Variants in MIB1 observed in about 807,000 individuals in gnomAD.
MIB1 encodes the protein E3 ubiquitin-protein ligase MIB1.
Under a neutral mutation model 124.5 loss-of-function variants are expected in MIB1, and 278 were observed. The observed-to-expected ratio is 2.23, with a 90% CI of 2.02 to 2.47. The LOEUF is 2.47. MIB1 is among the 30% of genes most tolerant of loss of function. The pLI is 0.00. For missense variants in MIB1, 957 were observed against 1,254.4 expected (o/e 0.76, Z 3.58); for synonymous variants, 446 against 429.4 (o/e 1.04, Z -0.48).
rs763759712 is a variant in MIB1, at chr18:21,864,613, A to T, written c.2968A>T (p.Ser990Cys). The change falls in exon 21 of 21, where the codon AGT becomes TGT. Residue 990 changes from serine to cysteine, a missense_variant. Coordinates refer to ENST00000261537, the MANE Select transcript of MIB1 (RefSeq NM_020774.4). The part of the protein sequence containing the change: ...GTCQLCGDRM[S>C]ECPICRKAIE... ...CTGTCAACTCTGTGGAGACCGCATGAGTGAATGTCCTATCTGTCGCAAGGC... is the reference window on the plus strand; with the variant it reads ...CTGTCAACTCTGTGGAGACCGCATGTGTGAATGTCCTATCTGTCGCAAGGC... 69 of 1,613,828 alleles carry T rather than the reference A, an allele frequency of 4.3e-5. No homozygotes were observed. The highest frequency in any genetic ancestry group is 5.8e-5 in the Non-Finnish European group (68 of 1,179,736).
chr18:21,744,387 C>G lies in MIB1; in HGVS notation c.229+2575C>G, dbSNP rs1304214060. On this transcript the variant is annotated intron_variant, in intron 1 of 20. Transcript: ENST00000261537. Reference sequence around the variant, plus strand: ...GTAAGAGTTGCCTTTTGCCCTTTACCCACCTTCTTCAGCTGTTAATATCTT... The same window carrying G: ...GTAAGAGTTGCCTTTTGCCCTTTACGCACCTTCTTCAGCTGTTAATATCTT... Among the ~76,000 whole-genome samples, 5 of 152,136 alleles carry G rather than the reference C, an allele frequency of 3.3e-5. No homozygotes were observed. In the East Asian group the frequency reaches 7.7e-4, roughly 23 times the overall value.
rs756613836 is a variant in MIB1 at position 21,741,582 on chromosome 18, C to G, written c.-2C>G. ...GCGGCGGAGCCCACCGCCCGGGCCC[C>G]GATGAGTAACTCCCGGAATAACCGG... is the stretch of plus-strand genomic sequence containing the variant. On this transcript the variant is annotated 5_prime_UTR_variant, in exon 1 of 21. Coordinates refer to ENST00000261537, the MANE Select transcript of MIB1 (RefSeq NM_020774.4). This position sits in a 1 kb window ranked among gnomAD's most constrained non-coding sequence, Gnocchi z 5.4. 3 of 1,492,142 alleles carry G rather than the reference C, an allele frequency of 2.0e-6. No individual in the cohort carries two copies. Among genetic ancestry groups the G allele is most frequent in the Admixed American group, 2.4e-5 (1 of 41,330 alleles). 92.4% of individuals were successfully genotyped at this position (1,492,142 alleles called of 1,614,324 possible).
chr18:21,787,460 C>T (rs1488612649), intron 6 of MIB1, among the ~76,000 whole-genome samples: 2 of 152,124 alleles, frequency 1.3e-5, no homozygotes, highest in African/African-American at 4.8e-5. Flanking sequence ...TTTCTTCCTG[C>T]AGGTACTCAT....
intron 1 of MIB1, among the ~76,000 whole-genome samples, chr18:21,732,750 A>C (rs188498830): frequency 6.6e-6 from 1 of 152,328 alleles, no homozygotes; most frequent in East Asian, 1.9e-4. Context: ...TTAGGAGACA[A>C]GAAAAAGCCA....
chr18:21,715,110 C>CTG (rs2040683728), intron 1 of MIB1, among the ~76,000 whole-genome samples: 1 of 152,156 alleles, frequency 6.6e-6, no homozygotes, highest in Non-Finnish European at 1.5e-5. Context: ...TGGATTGCTC[C>CTG]TGTAGGACCC....
intron 8 of MIB1, among the ~76,000 whole-genome samples, chr18:21,798,451 A>G (rs2041611665): frequency 6.6e-6 from 1 of 152,012 alleles, no homozygotes; most frequent in Admixed American, 6.6e-5. Context: ...CTCCCTGGAG[A>G]AGTTCCATAA....
chr18:21,735,935 A>AAG (rs2040795126), upstream of MIB1, among the ~76,000 whole-genome samples: 1 of 152,220 alleles, frequency 6.6e-6, no homozygotes, highest in South Asian at 2.1e-4. Flanking sequence ...GGGAAGGGGC[A>AAG]GTTGTGGGTA....
rs772089721 is a variant in MIB1, at chr18:21,803,895, T to A, written c.1372-12T>A. 80 of 1,595,426 alleles carry A rather than the reference T, an allele frequency of 5.0e-5. 1 individual carries two copies. Among genetic ancestry groups the A allele is most frequent in the South Asian group, 1.4e-4 (13 of 90,640 alleles). On this transcript the variant is annotated splice_polypyrimidine_tract_variant and intron_variant, in intron 9 of 20. Transcript: ENST00000261537. Reference sequence around the variant, plus strand: ...TCATTCATTCTTTCATTCTTTTTTTTAAAAAATGTAGGTAAATGGGCAATG... The same window carrying A: ...TCATTCATTCTTTCATTCTTTTTTTAAAAAAATGTAGGTAAATGGGCAATG...
intron 1 of MIB1, among the ~76,000 whole-genome samples, chr18:21,716,708 C>T (rs1167842668): frequency 1.3e-5 from 2 of 152,182 alleles, no homozygotes; most frequent in South Asian, 2.1e-4. Context: ...AAAAATTAGC[C>T]GGGCATGGTG....
chr18:21,840,641 ATATATATATATATATATATATATATT>A (rs1324502337), intron 13 of MIB1, among the ~76,000 whole-genome samples: 2 of 6,042 alleles, frequency 3.3e-4, no homozygotes, highest in African/African-American at 1.3e-3. Flanking sequence ...ATATATATAT[ATATATATATATATATATATATATATT>A]TTTTTTTTTT....
chr18:21,858,684 G>T (rs763027660), intron 20 of MIB1, 38 bp downstream of exon 20: 2 of 1,017,126 alleles, frequency 2.0e-6, no homozygotes, highest in African/African-American at 3.2e-5. Context: ...TGCTGTGAAT[G>T]GCACTGAATA....
intron 1 of MIB1, among the ~76,000 whole-genome samples, chr18:21,710,992 A>T (rs2040663228): frequency 3.3e-5 from 5 of 151,954 alleles, no homozygotes; most frequent in Admixed American, 3.3e-4. Context: ...ATACCCAGAT[A>T]ATTTTTGTAT....
At chr18:21,847,170 A>T in intron 16 of MIB1, 45 bp downstream of exon 16, 1 of 1,512,118 alleles carries the variant, frequency 6.6e-7, no homozygotes, top group Non-Finnish European at 9.1e-7. Flanking sequence ...CTGTACAGAA[A>T]ATATCATGTG....
chr18:21,862,229 C>G (rs1041322812), intron 20 of MIB1, among the ~76,000 whole-genome samples: 1 of 152,100 alleles, frequency 6.6e-6, no homozygotes, highest in African/African-American at 2.4e-5. Flanking sequence ...ATGGGATTTT[C>G]TATAGCTTTG....
chr18:21,740,894 C>T lies in MIB1; in HGVS notation c.-690C>T, dbSNP rs1204373970. 6.6e-6 allele frequency among the ~76,000 whole-genome samples: 1 copy of T among 152,260 alleles called. No homozygotes were observed. The highest frequency in any genetic ancestry group is 1.9e-4 in the East Asian group (1 of 5,180). ...TCCCACTCTATTATTGCCGAGGATC[C>T]CCCTCCTAGACACTCTGAGAAGGTG... is the stretch of plus-strand genomic sequence containing the variant. On this transcript the variant is annotated 5_prime_UTR_variant, in exon 1 of 21. Coordinates refer to ENST00000261537, the MANE Select transcript of MIB1 (RefSeq NM_020774.4).
At chr18:21,747,399 G>A (rs1415515290) in intron 1 of MIB1, among the ~76,000 whole-genome samples, 2 of 152,200 alleles carry the variant, frequency 1.3e-5, no homozygotes, top group Non-Finnish European at 2.9e-5. Flanking sequence ...GGTTCAGTAA[G>A]TTTGGGATTC....
At chr18:21,807,019 A>G (rs780445245) in intron 10 of MIB1, among the ~76,000 whole-genome samples, 2 of 152,160 alleles carry the variant, frequency 1.3e-5, no homozygotes, top group Non-Finnish European at 2.9e-5. Context: ...CATTTTGTGC[A>G]TTTTTTTATT....
intron 2 of MIB1, 27 bp from the exon 3 acceptor site, chr18:21,768,596 C>A: frequency 6.9e-7 from 1 of 1,446,578 alleles, no homozygotes; most frequent in Non-Finnish European, 9.3e-7. Context: ...TTTATATAAA[C>A]TTGAAAATAA....
chr18:21,744,798 C>A (rs142102944), intron 1 of MIB1, among the ~76,000 whole-genome samples: 60 of 152,280 alleles, frequency 3.9e-4, no homozygotes, highest in African/African-American at 1.3e-3. Context: ...TTAATTATAG[C>A]GTTAACTCGG....
Sources: allele counts gnomAD v4.1 joint callset (sites outside exome capture counted in the v4.1 genomes callset), GRCh38; gene constraint gnomAD v4.1.1; non-coding constraint Gnocchi (gnomAD v3.1); transcripts MANE v1.5; gene names NCBI Gene and HGNC (gene_info 2026-07-23, HGNC 2026-07-21).